NKAIN2: variants seen among roughly 807,000 people sequenced by gnomAD.
NKAIN2 encodes sodium/potassium-transporting ATPase subunit beta-1-interacting protein 2.
NKAIN2 carries 14 observed loss-of-function variants against 32.6 expected under a neutral mutation model. That is an observed-to-expected ratio of 0.43 (90% CI 0.28 to 0.67). The LOEUF (loss-of-function observed/expected upper bound fraction) is 0.67. Among genes scored for constraint, NKAIN2 ranks in the 30% least tolerant of loss-of-function variants. NKAIN2 has a pLI of 0.17. For missense variants in NKAIN2, 198 were observed against 258.3 expected (o/e 0.77, Z 1.60); for synonymous variants, 80 against 87.2 (o/e 0.92, Z 0.46).
At chr6:124,366,691 C>T (rs1016417414) in intron 3 of NKAIN2, among the ~76,000 whole-genome samples, 2 of 152,018 alleles carry the variant, frequency 1.3e-5, no homozygotes, top group Non-Finnish European at 2.9e-5. Context: ...AATCCCAGAA[C>T]TTTGGGAGGC....
intron 1 of NKAIN2, among the ~76,000 whole-genome samples, chr6:124,048,954 TAAAG>T (rs2114827918): frequency 6.6e-6 from 1 of 152,174 alleles, no homozygotes; most frequent in African/African-American, 2.4e-5. Context: ...CAAATGTTCT[TAAAG>T]AGAGTACGTA....
At chr6:124,313,932 C>A (rs1053467173) in intron 2 of NKAIN2, among the ~76,000 whole-genome samples, 2 of 152,096 alleles carry the variant, frequency 1.3e-5, no homozygotes, top group South Asian at 4.1e-4. Context: ...AATAAGTTGC[C>A]GGGCTCTCTT....
At chr6:124,662,437 CT>C (rs1174669426) in intron 4 of NKAIN2, among the ~76,000 whole-genome samples, 8 of 152,110 alleles carry the variant, frequency 5.3e-5, no homozygotes, top group African/African-American at 1.9e-4. Flanking sequence ...TGGTTCATAG[CT>C]AAAAATAGTT....
At chr6:123,929,849 G>A (rs766605588) in intron 1 of NKAIN2, among the ~76,000 whole-genome samples, 4 of 151,970 alleles carry the variant, frequency 2.6e-5, no homozygotes, top group African/African-American at 4.8e-5. Flanking sequence ...CCAAAAATTC[G>A]AAATCCAAAA....
chr6:124,563,526 C>T (rs1780784317), intron 3 of NKAIN2, among the ~76,000 whole-genome samples: 1 of 152,180 alleles, frequency 6.6e-6, no homozygotes, highest in Admixed American at 6.5e-5. Context: ...GACAACCCTG[C>T]TATTTCCATG....
chr6:124,267,529 C>G (rs1008320294), intron 1 of NKAIN2, among the ~76,000 whole-genome samples: 3 of 145,262 alleles, frequency 2.1e-5, no homozygotes, highest in Non-Finnish European at 4.6e-5. Context: ...TAAACAACAT[C>G]ACAAATTATG....
intron 1 of NKAIN2, among the ~76,000 whole-genome samples, chr6:124,199,314 T>G (rs2114619036): frequency 6.6e-6 from 1 of 152,290 alleles, no homozygotes; most frequent in South Asian, 2.1e-4. Context: ...GTGTAATCTT[T>G]TAAAGAATCA....
intron 3 of NKAIN2, among the ~76,000 whole-genome samples, chr6:124,503,966 C>T (rs142218140): frequency 2.4e-4 from 36 of 152,098 alleles, no homozygotes; most frequent in South Asian, 1.5e-3. Flanking sequence ...GATATTCATC[C>T]GGCAGAAATG....
In NKAIN2 at chr6:124,627,177, C is replaced by T. The variant is rs897949329; in HGVS notation, c.274-31009C>T. ...CCCAGCTACTCAGGAAGCTGAGGCACGAGAATCACTTGAACATGGGAGGCG... is the reference window on the plus strand; with the variant it reads ...CCCAGCTACTCAGGAAGCTGAGGCATGAGAATCACTTGAACATGGGAGGCG... On this transcript the variant is annotated intron_variant, in intron 3 of 6. Transcript: ENST00000368417. 4.6e-5 allele frequency among the ~76,000 whole-genome samples: 7 copies of T among 151,778 alleles called. No individual in the cohort carries two copies. In the East Asian group the frequency reaches 7.8e-4, roughly 17 times the overall value.
At chr6:124,047,746 G>A (rs939824809) in intron 1 of NKAIN2, among the ~76,000 whole-genome samples, 1 of 151,984 alleles carries the variant, frequency 6.6e-6, no homozygotes, top group Non-Finnish European at 1.5e-5. Flanking sequence ...GCTAATTCTT[G>A]GCACTGGATT....
chr6:124,132,240 C>T (rs544498152), intron 1 of NKAIN2, among the ~76,000 whole-genome samples: 9 of 152,288 alleles, frequency 5.9e-5, no homozygotes, highest in African/African-American at 2.2e-4. Flanking sequence ...CCCCTGTCCC[C>T]CACAGTGGCT....
chr6:124,575,762 C>T (rs182372740), intron 3 of NKAIN2, among the ~76,000 whole-genome samples: 1 of 152,264 alleles, frequency 6.6e-6, no homozygotes, highest in Non-Finnish European at 1.5e-5. Flanking sequence ...GTTTTGAAAG[C>T]TAGTACTGCT....
chr6:124,015,651 G>A (rs1393997807), intron 1 of NKAIN2, among the ~76,000 whole-genome samples: 8 of 152,296 alleles, frequency 5.3e-5, no homozygotes, highest in African/African-American at 1.7e-4. Context: ...CCTCTGGTTA[G>A]CCATAAAATC....
chr6:124,324,524 C>A (rs930212501), intron 2 of NKAIN2, among the ~76,000 whole-genome samples: 1 of 151,974 alleles, frequency 6.6e-6, no homozygotes, highest in Non-Finnish European at 1.5e-5. Flanking sequence ...TAAGTAGATT[C>A]AACTGAATTC....
chr6:123,971,709 T>C (rs1271073070), intron 1 of NKAIN2, among the ~76,000 whole-genome samples: 2 of 152,208 alleles, frequency 1.3e-5, no homozygotes, highest in African/African-American at 2.4e-5. Context: ...GGGATTTTCT[T>C]ATCAGCTGTC....
chr6:124,127,056 CAT>C (rs1192371922), intron 1 of NKAIN2, among the ~76,000 whole-genome samples: 2 of 151,636 alleles, frequency 1.3e-5, no homozygotes, highest in East Asian at 1.9e-4. Context: ...TAGAATAATA[CAT>C]ATATATATAG....
In NKAIN2 at chr6:124,082,246, A is replaced by G. The variant is rs1582606593; in HGVS notation, c.55-200759A>G. 2.0e-5 allele frequency among the ~76,000 whole-genome samples: 3 copies of G among 152,094 alleles called. No individual in the cohort carries two copies. In the South Asian group the frequency reaches 6.2e-4, roughly 31 times the overall value. On this transcript the variant is annotated intron_variant, in intron 1 of 6. Transcript: ENST00000368417. ...GTCTTTCCACTGTATTCTTATGCTA[A>G]ACATCAATGAAAATCAAAGTGTTAT... is the stretch of plus-strand genomic sequence containing the variant.
At chr6:123,872,139 A>G (rs1337738623) in intron 1 of NKAIN2, among the ~76,000 whole-genome samples, 1 of 152,030 alleles carries the variant, frequency 6.6e-6, no homozygotes, top group African/African-American at 2.4e-5. Context: ...TTTTGCTTCT[A>G]TTATTTGTCT....
chr6:124,805,967 C>G (rs1582555743), intron 5 of NKAIN2, among the ~76,000 whole-genome samples: 4 of 152,184 alleles, frequency 2.6e-5, no homozygotes, highest in African/African-American at 9.7e-5. Context: ...CGAACAAAGC[C>G]TCCAAGAAAT....
Sources: allele counts gnomAD v4.1 joint callset (sites outside exome capture counted in the v4.1 genomes callset), GRCh38; gene constraint gnomAD v4.1.1; transcripts MANE v1.5; gene names NCBI Gene and HGNC (gene_info 2026-07-23, HGNC 2026-07-21).